PLXDC2: variants seen among roughly 807,000 people sequenced by gnomAD.
PLXDC2 encodes plexin domain containing 2.
Under a neutral mutation model 68.9 loss-of-function variants are expected in PLXDC2, and 40 were observed. That is an observed-to-expected ratio of 0.58 (90% CI 0.45 to 0.76). PLXDC2 has a LOEUF of 0.76. Ranked by LOEUF, PLXDC2 falls within the 30% of genes least tolerant of loss-of-function variation. The pLI, the probability that PLXDC2 is intolerant of heterozygous loss-of-function variation, is 0.00. For missense variants in PLXDC2, 644 were observed against 661.9 expected, an observed-to-expected ratio of 0.97 and a Z score of 0.30; for synonymous variants, 243 against 234.2, an observed-to-expected ratio of 1.04 and a Z score of -0.34.
intron 1 of PLXDC2, among the ~76,000 whole-genome samples, chr10:19,844,792 G>T (rs576504541): frequency 6.6e-6 from 1 of 151,924 alleles, no homozygotes; most frequent in African/African-American, 2.4e-5. Context: ...TTTTGTAGAG[G>T]TGAGGTCTTG....
intron 1 of PLXDC2, among the ~76,000 whole-genome samples, chr10:19,911,907 T>C (rs1833277973): frequency 6.6e-6 from 1 of 152,234 alleles, no homozygotes; most frequent in Non-Finnish European, 1.5e-5. Context: ...GTATGTTCTA[T>C]GTAAGCAAAT....
chr10:19,973,285 T>C (rs1042743848), intron 1 of PLXDC2, among the ~76,000 whole-genome samples: 9 of 111,284 alleles, frequency 8.1e-5, no homozygotes, highest in African/African-American at 2.9e-4. Context: ...TGTATACACA[T>C]ACATATATAT....
intron 4 of PLXDC2, among the ~76,000 whole-genome samples, chr10:20,118,621 T>A (rs1165703167): frequency 6.6e-6 from 1 of 152,174 alleles, no homozygotes; most frequent in African/African-American, 2.4e-5. Context: ...AGGAAACTTT[T>A]TTCAAGAAAT....
At chr10:20,245,252 G>A (rs1269377002) in intron 12 of PLXDC2, 93 bp from the exon 13 acceptor site, 7 of 1,366,908 alleles carry the variant, frequency 5.1e-6, no homozygotes, top group Admixed American at 5.4e-5. Context: ...AGATCCAGTC[G>A]TACTTTATTA....
intron 1 of PLXDC2, among the ~76,000 whole-genome samples, chr10:19,962,863 G>T (rs1452431409): frequency 6.6e-6 from 1 of 150,750 alleles, no homozygotes; most frequent in Non-Finnish European, 1.5e-5. Context: ...GGTGGCTGGT[G>T]CCTGTAGTCC....
At chr10:19,835,931 G>A (rs529715192) in intron 1 of PLXDC2, among the ~76,000 whole-genome samples, 2 of 152,120 alleles carry the variant, frequency 1.3e-5, no homozygotes, top group Admixed American at 6.6e-5. Flanking sequence ...CAGCACTTTG[G>A]GGGGCTGACA....
At chr10:20,215,039 T>C (rs1835117832) in intron 10 of PLXDC2, among the ~76,000 whole-genome samples, 1 of 152,126 alleles carries the variant, frequency 6.6e-6, no homozygotes, top group South Asian at 2.1e-4. Flanking sequence ...GTCATGGGTG[T>C]AGAAGAGATT....
intron 4 of PLXDC2, among the ~76,000 whole-genome samples, chr10:20,141,515 C>A (rs1306181665): frequency 6.6e-6 from 1 of 152,006 alleles, no homozygotes; most frequent in Admixed American, 6.6e-5. Context: ...AGAAAAATAA[C>A]CTACTTGGAG....
chr10:20,105,944 T>C (rs2250374), intron 4 of PLXDC2, among the ~76,000 whole-genome samples: 49,791 of 152,156 alleles, frequency 0.33, 10,752 homozygotes, highest in Non-Finnish European at 0.49. Context: ...TATGATTATT[T>C]AAATTAGTGT....
intron 1 of PLXDC2, among the ~76,000 whole-genome samples, chr10:19,974,279 C>T (rs891503336): frequency 2.0e-4 from 30 of 152,336 alleles, no homozygotes; most frequent in African/African-American, 7.0e-4. Flanking sequence ...CAATCTTCAA[C>T]AAAATCAACT....
chr10:19,999,481 T>C (rs1174907902), intron 1 of PLXDC2, among the ~76,000 whole-genome samples: 2 of 152,120 alleles, frequency 1.3e-5, no homozygotes, highest in African/African-American at 4.8e-5. Flanking sequence ...AATACCATTT[T>C]TTTTATCTGG....
chr10:20,252,802 T>G (rs1232589010), intron 13 of PLXDC2, among the ~76,000 whole-genome samples: 2 of 152,208 alleles, frequency 1.3e-5, no homozygotes, highest in African/African-American at 4.8e-5. Context: ...GGTGTGGATT[T>G]CACGTTGAAT....
intron 1 of PLXDC2, among the ~76,000 whole-genome samples, chr10:19,882,222 G>T (rs965208834): frequency 6.6e-6 from 1 of 152,122 alleles, no homozygotes. Flanking sequence ...TTCCTCCTAA[G>T]ATCTTAAACA....
chr10:20,285,726 G>C lies in PLXDC2; in HGVS notation c.*5907G>C, dbSNP rs973655890. 5.3e-5 allele frequency: 8 copies of C among 152,236 alleles called. No homozygotes were observed. The highest frequency in any genetic ancestry group is 8.8e-5 in the Non-Finnish European group (6 of 68,018). The allele number at this position is 152,236 out of a possible 1,614,324, so 9.4% of individuals were successfully genotyped here. A position where few individuals can be genotyped will look rare whatever the true frequency, so the allele number is the denominator to read the frequency against. The stretch of plus-strand genomic sequence containing the variant: ...TGGGTTTTGAATTATTAATATCACT[G>C]TTTTGAGGTATTCAGAAACACCAGT... On this transcript the variant is annotated 3_prime_UTR_variant, in exon 14 of 14. Coordinates refer to ENST00000377252, the MANE Select transcript of PLXDC2 (RefSeq NM_032812.9).
intron 1 of PLXDC2, among the ~76,000 whole-genome samples, chr10:19,894,572 CA>C (rs1254000582): frequency 1.3e-5 from 2 of 152,020 alleles, no homozygotes; most frequent in African/African-American, 4.8e-5. Context: ...AGTGGATACC[CA>C]AATATTTTCT....
chr10:20,118,920 C>CG (rs1554767510), intron 4 of PLXDC2, among the ~76,000 whole-genome samples: 1 of 139,954 alleles, frequency 7.1e-6, no homozygotes, highest in Admixed American at 7.1e-5. Flanking sequence ...ACATTGAAGC[C>CG]TTTTTTTTTT....
chr10:19,967,355 A>G (rs189067837), intron 1 of PLXDC2, among the ~76,000 whole-genome samples: 37 of 152,314 alleles, frequency 2.4e-4, no homozygotes, highest in Admixed American at 5.9e-4. Context: ...AAGAAAGGAT[A>G]GGAACTGCAC....
chr10:19,916,078 A>C (rs1032677883), intron 1 of PLXDC2, among the ~76,000 whole-genome samples: 2 of 151,322 alleles, frequency 1.3e-5, no homozygotes, highest in African/African-American at 2.4e-5. Flanking sequence ...TGTGAGCCGC[A>C]TCAACGTAGA....
chr10:20,217,059 A>T (rs1409410355), intron 10 of PLXDC2, among the ~76,000 whole-genome samples: 3 of 152,208 alleles, frequency 2.0e-5, no homozygotes, highest in Non-Finnish European at 4.4e-5. Context: ...GTATGTTTTA[A>T]ACCTTATCTT....
Sources: gnomAD v4.1 joint callset for allele counts (sites outside exome capture counted in the v4.1 genomes callset) on GRCh38, gnomAD v4.1.1 for gene constraint, MANE v1.5 for transcripts, NCBI Gene and HGNC (gene_info 2026-07-23, HGNC 2026-07-21) for gene names.